Variants in CLIP1 observed in about 807,000 individuals in gnomAD.
CLIP1 encodes CAP-Gly domain containing linker protein 1.
In CLIP1, 66 loss-of-function variants were observed where a neutral mutation model predicts 161.6. The ratio of observed to expected loss-of-function variants is 0.41; its 90% confidence interval spans 0.33 to 0.50. The LOEUF (loss-of-function observed/expected upper bound fraction) is 0.50. Among genes scored for constraint, CLIP1 ranks in the 20% least tolerant of loss-of-function variants. The probability of loss-of-function intolerance (pLI) is 0.27; values close to 1 mark genes in which losing one functional copy is unlikely to be tolerated. For synonymous variants in CLIP1, 598 were observed against 626.2 expected (o/e 0.96, Z 0.67); for missense variants, 1,376 against 1,702.0 (o/e 0.81, Z 3.37).
intron 20 of CLIP1, among the ~76,000 whole-genome samples, chr12:122,294,047 T>C (rs1040813921): frequency 1.3e-5 from 2 of 151,592 alleles, no homozygotes; most frequent in Non-Finnish European, 2.9e-5. Context: ...TCAAAACAAC[T>C]TTACTCAAAA....
intron 10 of CLIP1, among the ~76,000 whole-genome samples, chr12:122,345,713 A>G (rs1043800240): frequency 6.6e-6 from 1 of 152,204 alleles, no homozygotes; most frequent in Non-Finnish European, 1.5e-5. Flanking sequence ...TGGGCAATTT[A>G]GTCACTGACA....
intron 5 of CLIP1, among the ~76,000 whole-genome samples, chr12:122,357,014 T>C (rs964393447): frequency 4.1e-4 from 62 of 152,318 alleles, no homozygotes; most frequent in African/African-American, 1.4e-3. Flanking sequence ...GCCGCCTGCC[T>C]TGGCCTCCCA....
At position 122,288,625 on chromosome 12, in the gene CLIP1, C is replaced by T. The variant is rs1037954068; in HGVS notation, c.3595-84G>A. 10 of 1,180,824 alleles carry T rather than the reference C, an allele frequency of 8.5e-6. No individual in the cohort carries two copies. The African/African-American group carries it at 1.4e-4, about 16-fold the overall frequency. The allele number at this position is 1,180,824 out of a possible 1,614,324, so 73.1% of individuals were successfully genotyped here. On this transcript the variant is annotated intron_variant, in intron 20 of 25. Coordinates refer to ENST00000620786, the MANE Select transcript of CLIP1 (RefSeq NM_001247997.2). ...TCATCCCACATGTACATCCCCCAGG[C>T]TCCAGGACAGCTAAAGCCATTGGCT...
Position 122,327,096 on chromosome 12 carries a change from A to G in CLIP1, c.3249+851T>C, listed in dbSNP as rs11057546. ...GTGAATATTTACTTTCCTTTGAGCA[A>G]TAGAAGGTTAAACAGTGGGCAAGGT... On this transcript the variant is annotated intron_variant, in intron 17 of 25. Transcript: ENST00000620786. 4.5e-3 allele frequency among the ~76,000 whole-genome samples: 682 copies of G among 152,282 alleles called. 3 individuals are homozygous for G. Among genetic ancestry groups the G allele is most frequent in the African/African-American group, 0.015 (625 of 41,548 alleles).
intron 11 of CLIP1, among the ~76,000 whole-genome samples, chr12:122,339,226 G>A (rs1006057954): frequency 1.2e-4 from 18 of 152,192 alleles, no homozygotes; most frequent in Non-Finnish European, 2.2e-4. Flanking sequence ...GGAGGGGACA[G>A]ATCATGTTCT....
intron 10 of CLIP1, 65 bp from the exon 11 acceptor site, chr12:122,341,762 C>CCTTTTTTTTTTTTTTTTTTTTTT (rs1566143047): frequency 2.1e-5 from 2 of 96,018 alleles, no homozygotes; most frequent in Non-Finnish European, 2.1e-5. Context: ...ATTTTCTTTT[C>CCTTTTTTTTTTTTTTTTTTTTTT]TTTTTTTTTT....
At chr12:122,369,867 G>T (rs1424760541) in intron 3 of CLIP1, among the ~76,000 whole-genome samples, 1 of 151,620 alleles carries the variant, frequency 6.6e-6, no homozygotes, top group Non-Finnish European at 1.5e-5. Flanking sequence ...TGGGTGTTTA[G>T]AAACAGCAAA....
At chr12:122,365,122 T>G (rs936195315) in intron 3 of CLIP1, 17 of 406,772 alleles carry the variant, frequency 4.2e-5, no homozygotes, top group African/African-American at 3.1e-4. Context: ...CATTAGGAGA[T>G]ATACCTAATG....
chr12:122,356,022 A>C (rs1953328188), intron 5 of CLIP1: 1 of 152,214 alleles, frequency 6.6e-6, no homozygotes, highest in African/African-American at 2.4e-5. Context: ...CACAGGATGC[A>C]GACTTACAGC....
At chr12:122,281,739 G>A (rs1377506647) in intron 21 of CLIP1, among the ~76,000 whole-genome samples, 1 of 151,374 alleles carries the variant, frequency 6.6e-6, no homozygotes, top group Non-Finnish European at 1.5e-5. Flanking sequence ...GGTTTCTTAT[G>A]TTTCTATTAA....
intron 1 of CLIP1, among the ~76,000 whole-genome samples, chr12:122,397,150 T>A (rs939758635): frequency 1.3e-5 from 2 of 151,856 alleles, no homozygotes; most frequent in Non-Finnish European, 2.9e-5. Flanking sequence ...GTGACTGAGT[T>A]CTAGCCAGTG....
chr12:122,330,597 G>GTTTTTTTTTTTTTGTTTTT (rs1555265518), intron 15 of CLIP1, among the ~76,000 whole-genome samples: 15 of 101,380 alleles, frequency 1.5e-4, no homozygotes, highest in East Asian at 6.0e-4. Flanking sequence ...GTATAATGCA[G>GTTTTTTTTTTTTTGTTTTT]TTTTTTTTTT....
chr12:122,318,273 G>A (rs1189945947), intron 18 of CLIP1, among the ~76,000 whole-genome samples: 1 of 152,154 alleles, frequency 6.6e-6, no homozygotes, highest in African/African-American at 2.4e-5. Flanking sequence ...GGTGGCTCAT[G>A]CCTGTAATCC....
Sources: allele counts gnomAD v4.1 joint callset (sites outside exome capture counted in the v4.1 genomes callset), GRCh38; gene constraint gnomAD v4.1.1; transcripts MANE v1.5; gene names NCBI Gene and HGNC (gene_info 2026-07-23, HGNC 2026-07-21).